The following HSPA4L variants were observed in gnomAD, a reference collection of about 807,000 sequenced individuals.
The protein encoded by HSPA4L is heat shock 70 kDa protein 4L.
HSPA4L carries 48 observed loss-of-function variants against 100.3 expected under a neutral mutation model. The observed-to-expected ratio is 0.48, with a 90% confidence interval of 0.38 to 0.61. HSPA4L has a LOEUF of 0.61. Ranked by LOEUF, HSPA4L falls within the 20% of genes least tolerant of loss-of-function variation. The pLI, the probability that HSPA4L is intolerant of heterozygous loss-of-function variation, is 0.00. For missense variants in HSPA4L, 886 were observed against 988.6 expected (o/e 0.90, Z 1.39); for synonymous variants, 319 against 328.2 (o/e 0.97, Z 0.30).
intron 11 of HSPA4L, chr4:127,809,371 C>T (rs1489837604): frequency 1.7e-6 from 2 of 1,182,538 alleles, no homozygotes; most frequent in Admixed American, 1.7e-5. Flanking sequence ...CAGCAGAAGG[C>T]AGCTTTGCAG....
In HSPA4L at chr4:127,805,743, T is replaced by G. The variant is rs781218367; in HGVS notation, c.1194T>G (p.Val398=). ...KVREFSITDL[V]PYSITLRWKT... is the part of the protein sequence containing the mutation. Reference sequence around the variant, plus strand: ...GTGAATTTTCCATAACAGACCTTGTTCCCTATTCAATCACATTAAGGTGGA... The same window carrying G: ...GTGAATTTTCCATAACAGACCTTGTGCCCTATTCAATCACATTAAGGTGGA... Residue 398 remains valine (V), a synonymous_variant, in exon 10 of 19, where the codon GTT becomes GTG. Coordinates refer to ENST00000296464, the MANE Select transcript of HSPA4L (RefSeq NM_014278.4). The G allele has an allele frequency of 7.4e-6, 12 of 1,612,702 alleles. No homozygotes were observed. The highest frequency in any genetic ancestry group is 8.5e-7 in the Non-Finnish European group (1 of 1,179,204).
intron 16 of HSPA4L, among the ~76,000 whole-genome samples, chr4:127,824,821 A>G (rs1160648106): frequency 6.6e-6 from 1 of 152,180 alleles, no homozygotes; most frequent in African/African-American, 2.4e-5. Context: ...CCAAATCTGG[A>G]AAAAGTACCT....
At chr4:127,827,879 G>A (rs1045610147) in intron 17 of HSPA4L, among the ~76,000 whole-genome samples, 5 of 151,686 alleles carry the variant, frequency 3.3e-5, no homozygotes, top group South Asian at 2.1e-4. Flanking sequence ...TCTCCTGTAC[G>A]CTTTATTCTT....
intron 6 of HSPA4L, 40 bp from the exon 7 acceptor site, chr4:127,803,589 A>G (rs765350476): frequency 4.8e-6 from 7 of 1,461,972 alleles, no homozygotes; most frequent in Admixed American, 2.5e-5. Flanking sequence ...GGAAGAATCT[A>G]TATTTCTGAA....
intron 11 of HSPA4L, chr4:127,809,322 G>T (rs542978308): frequency 1.7e-6 from 2 of 1,171,266 alleles, no homozygotes. Context: ...TCTTAATAAG[G>T]ACTTCTGGGA....
chr4:127,785,651 G>A (rs1353967526), intron 1 of HSPA4L, among the ~76,000 whole-genome samples: 1 of 152,002 alleles, frequency 6.6e-6, no homozygotes, highest in African/African-American at 2.4e-5. Context: ...TGTCCAGGCT[G>A]GTCTCGAACT....
In HSPA4L at chr4:127,798,620, A is replaced by G. The variant is rs373239716; in HGVS notation, c.340A>G (p.Ile114Val). The G allele has an allele frequency of 4.7e-5, 76 of 1,613,658 alleles. No individual in the cohort carries two copies. The Middle Eastern group carries it at 9.9e-4, about 21-fold the overall frequency. ...RYLEEERPFAIEQVTGMLLAK... is the reference protein window; with the variant it reads ...RYLEEERPFAVEQVTGMLLAK... Reference sequence around the variant, plus strand: ...CTTAGAGGAAGAGAGACCTTTTGCAATTGAGCAAGTTACTGGAATGCTGTT... The same window carrying G: ...CTTAGAGGAAGAGAGACCTTTTGCAGTTGAGCAAGTTACTGGAATGCTGTT... The change falls in exon 4 of 19, where the codon ATT (isoleucine) becomes GTT (valine). Residue 114 changes from isoleucine (I) to valine (V), a missense_variant. Physicochemically the swap from Ile to Val is conservative, Grantham distance 29 (BLOSUM62 3). Transcript: ENST00000296464.
intron 12 of HSPA4L, chr4:127,813,482 T>G: frequency 3.8e-6 from 1 of 265,562 alleles, no homozygotes; most frequent in East Asian, 7.6e-5. Context: ...GAAGGTACAG[T>G]TTTTCATAAA....
chr4:127,822,696 G>T (rs1249976523), intron 14 of HSPA4L, 73 bp from the exon 15 acceptor site: 1 of 1,391,778 alleles, frequency 7.2e-7, no homozygotes, highest in Non-Finnish European at 1.0e-6. Context: ...GTGTGAAGTG[G>T]TATCTTGTGG....
intron 17 of HSPA4L, among the ~76,000 whole-genome samples, chr4:127,829,798 T>C (rs1275548946): frequency 6.7e-6 from 1 of 149,962 alleles, no homozygotes; most frequent in Non-Finnish European, 1.5e-5. Context: ...AGCATATGGG[T>C]AGAGAGATGA....
At chr4:127,825,381 G>T (rs1024618512) in intron 16 of HSPA4L, among the ~76,000 whole-genome samples, 1 of 152,072 alleles carries the variant, frequency 6.6e-6, no homozygotes, top group Non-Finnish European at 1.5e-5. Flanking sequence ...GCTAAATGAT[G>T]ACATTAACAA....
At chr4:127,798,764 T>C (rs187907270) in intron 4 of HSPA4L, 55 bp downstream of exon 4, 49 of 1,516,840 alleles carry the variant, frequency 3.2e-5, no homozygotes, top group Admixed American at 1.5e-4. Context: ...AGTGTATTAA[T>C]GTAATATTGA....
At chr4:127,824,952 T>C (rs181637089) in intron 16 of HSPA4L, among the ~76,000 whole-genome samples, 92 of 152,034 alleles carry the variant, frequency 6.1e-4, no homozygotes, top group East Asian at 3.3e-3. Flanking sequence ...CTGGCTAACA[T>C]GGTGAAACCC....
chr4:127,827,156 T>G, intron 16 of HSPA4L, 149 bp from the exon 17 acceptor site: 1 of 605,090 alleles, frequency 1.7e-6, no homozygotes, highest in Non-Finnish European at 2.9e-6. Flanking sequence ...AAGTAGCTAC[T>G]GTAACTTGCT....
intron 17 of HSPA4L, 140 bp downstream of exon 17, chr4:127,827,564 C>CT (rs956961293): frequency 0.01 from 7,803 of 762,740 alleles, 1 homozygote; most frequent in South Asian, 0.015. Context: ...AAACTTAAAA[C>CT]TTTTTTTTTT....
rs746140197 is a variant in HSPA4L at position 127,795,814 on chromosome 4, A to G, written c.212A>G (p.His71Arg). 1.2e-6 allele frequency: 2 copies of G among 1,613,588 alleles called. No individual in the cohort carries two copies. The highest frequency in any genetic ancestry group is 1.7e-6 in the Non-Finnish European group (2 of 1,179,674). The change falls in exon 3 of 19, where the codon CAT becomes CGT. Residue 71 changes from histidine (H) to arginine (R), a missense_variant. By Grantham distance (29) the His-to-Arg change is conservative (BLOSUM62 0). Transcript: ENST00000296464. ...RNTIHGFKKL[H>R]GRSFDDPIVQ... ...ACAATTCATGGCTTCAAAAAGCTTC[A>G]TGGGCGATCATTTGATGATCCCATT...
intron 4 of HSPA4L, 98 bp downstream of exon 4, chr4:127,798,807 A>C: frequency 8.7e-7 from 1 of 1,148,332 alleles, no homozygotes; most frequent in Non-Finnish European, 1.2e-6. Flanking sequence ...TTCTGCCCTT[A>C]TCCAGTAAAT....
intron 15 of HSPA4L, among the ~76,000 whole-genome samples, chr4:127,823,252 A>G (rs1003898469): frequency 4.6e-5 from 7 of 152,126 alleles, no homozygotes; most frequent in Non-Finnish European, 8.8e-5. Context: ...GGGCTCAAGC[A>G]GTCCTCTCAC....
chr4:127,830,767 G>GT lies in HSPA4L; in HGVS notation c.2297dup (p.Val768SerfsTer13), dbSNP rs1734061055. On this transcript the variant is annotated frameshift_variant, in exon 18 of 19. Coordinates refer to ENST00000296464, the MANE Select transcript of HSPA4L (RefSeq NM_014278.4). LOFTEE classifies it high-confidence loss of function. ...ACTAAGTCTCACTCAAGATCCTGTG[G>GT]TAAAAGTTTCAGAAATAGTAGCAAA... 1 of 1,593,562 alleles carries GT rather than the reference G, an allele frequency of 6.3e-7. No homozygotes were observed. The highest frequency in any genetic ancestry group is 8.5e-7 in the Non-Finnish European group (1 of 1,172,650).
Sources: allele counts gnomAD v4.1 joint callset (sites outside exome capture counted in the v4.1 genomes callset), GRCh38; gene constraint gnomAD v4.1.1; transcripts MANE v1.5; gene names NCBI Gene and HGNC (gene_info 2026-07-23, HGNC 2026-07-21).